The following PEPD variants were observed in gnomAD, a reference collection of about 807,000 sequenced individuals.
PEPD encodes peptidase D.
A neutral mutation model predicts 60.7 loss-of-function variants in PEPD; 53 were observed. The observed-to-expected ratio is 0.87, with a 90% CI of 0.70 to 1.10. The LOEUF (loss-of-function observed/expected upper bound fraction) is 1.10. Among genes scored for constraint, PEPD ranks in the 50% least tolerant of loss-of-function variants. PEPD has a pLI of 0.00. For missense variants in PEPD, 711 were observed against 711.9 expected (o/e 1.00, Z 0.01); for synonymous variants, 267 against 284.1 (o/e 0.94, Z 0.60).
intron 9 of PEPD, among the ~76,000 whole-genome samples, chr19:33,419,037 C>G (rs1014526577): frequency 6.6e-6 from 1 of 152,196 alleles, no homozygotes; most frequent in African/African-American, 2.4e-5. Context: ...CTGCCCGGAG[C>G]TCCTCACTCC....
At chr19:33,423,233 G>T (rs147302133) in intron 9 of PEPD, among the ~76,000 whole-genome samples, 3 of 152,292 alleles carry the variant, frequency 2.0e-5, no homozygotes, top group Non-Finnish European at 4.4e-5. Context: ...GAAGTCTTTG[G>T]TATACCTCTG....
intron 6 of PEPD, among the ~76,000 whole-genome samples, chr19:33,478,491 A>G (rs1220693551): frequency 6.6e-6 from 1 of 152,228 alleles, no homozygotes; most frequent in Non-Finnish European, 1.5e-5. Context: ...AACTCCAAGT[A>G]GGATAAATTC....
intron 11 of PEPD, among the ~76,000 whole-genome samples, chr19:33,404,039 C>T (rs542062680): frequency 5.9e-5 from 9 of 152,286 alleles, no homozygotes; most frequent in African/African-American, 2.2e-4. Flanking sequence ...GATCACGGGT[C>T]CAGGAAAGCC....
At chr19:33,456,650 A>T (rs1238254376) in intron 9 of PEPD, among the ~76,000 whole-genome samples, 1 of 152,136 alleles carries the variant, frequency 6.6e-6, no homozygotes, top group Non-Finnish European at 1.5e-5. Context: ...GTGTCTGCTC[A>T]GCGGGTGCAG....
chr19:33,458,719 T>C (rs1367164685), intron 9 of PEPD, among the ~76,000 whole-genome samples: 1 of 16,436 alleles, frequency 6.1e-5, no homozygotes. Flanking sequence ...GGCATGTGTA[T>C]GTGCTATGCA....
At chr19:33,516,995 C>A (rs1971034478) in intron 1 of PEPD, among the ~76,000 whole-genome samples, 1 of 1,932 alleles carries the variant, frequency 5.2e-4, no homozygotes, top group African/African-American at 2.4e-3. Context: ...GAATGGGCAA[C>A]ATGGCAAAAC....
intron 3 of PEPD, among the ~76,000 whole-genome samples, chr19:33,509,694 T>C (rs947951554): frequency 2.0e-5 from 3 of 152,188 alleles, no homozygotes; most frequent in Non-Finnish European, 4.4e-5. Context: ...CTGCAATTTA[T>C]ACATTAGCCC....
At chr19:33,421,835 C>T (rs117352116) in intron 9 of PEPD, among the ~76,000 whole-genome samples, 2 of 152,214 alleles carry the variant, frequency 1.3e-5, no homozygotes, top group Non-Finnish European at 2.9e-5. Context: ...CAGAATCTGA[C>T]CACTTCTCCG....
intron 7 of PEPD, among the ~76,000 whole-genome samples, chr19:33,475,456 C>T (rs964936829): frequency 4.0e-5 from 6 of 151,608 alleles, no homozygotes; most frequent in Non-Finnish European, 5.9e-5. Context: ...TAAAACATAC[C>T]CCTGAGCAGC....
intron 4 of PEPD, 151 bp from the exon 5 acceptor site, chr19:33,493,488 G>A (rs1246480299): frequency 2.3e-5 from 16 of 711,090 alleles, no homozygotes; most frequent in South Asian, 2.1e-4. Context: ...TGCAGGTGAA[G>A]AAACCCAGCT....
chr19:33,475,312 A>G (rs924360800), intron 7 of PEPD, among the ~76,000 whole-genome samples: 4 of 151,828 alleles, frequency 2.6e-5, no homozygotes, highest in South Asian at 2.1e-4. Flanking sequence ...ATCTAACATC[A>G]TGGAAAGCCC....
chr19:33,427,975 C>T (rs983603337), intron 9 of PEPD, among the ~76,000 whole-genome samples: 1 of 152,018 alleles, frequency 6.6e-6, no homozygotes, highest in Non-Finnish European at 1.5e-5. Flanking sequence ...TCCTGGCAGG[C>T]GGCAATCTGA....
At chr19:33,424,373 G>A (rs1460522543) in intron 9 of PEPD, among the ~76,000 whole-genome samples, 1 of 152,248 alleles carries the variant, frequency 6.6e-6, no homozygotes, top group Admixed American at 6.5e-5. Flanking sequence ...AGCCAGCGAG[G>A]GAGCTCCGGC....
chr19:33,463,630 C>T (rs1378952295), intron 8 of PEPD, among the ~76,000 whole-genome samples: 1 of 152,148 alleles, frequency 6.6e-6, no homozygotes, highest in African/African-American at 2.4e-5. Context: ...TGTGTTTGAA[C>T]CACAGTTAAG....
intron 4 of PEPD, among the ~76,000 whole-genome samples, chr19:33,499,442 G>A (rs1289299115): frequency 1.3e-5 from 2 of 152,190 alleles, no homozygotes; most frequent in Non-Finnish European, 2.9e-5. Flanking sequence ...ACTGGACTGT[G>A]CCCTGGGCTG....
chr19:33,485,505 A>AAAAAAAAAAAAAAAAAAAAAAAAAC (rs1970380711), intron 6 of PEPD, among the ~76,000 whole-genome samples: 1 of 151,834 alleles, frequency 6.6e-6, no homozygotes, highest in African/African-American at 2.4e-5. Flanking sequence ...AAAAAAAAAA[A>AAAAAAAAAAAAAAAAAAAAAAAAAC]AAAAGAAGCC....
intron 6 of PEPD, chr19:33,487,391 C>T (rs1970415902): frequency 6.6e-6 from 1 of 152,452 alleles, no homozygotes; most frequent in Non-Finnish European, 1.5e-5. Context: ...GTGAAACAGC[C>T]CTGGTGGCAG....
chr19:33,461,711 T>C (rs1969928980), intron 9 of PEPD, among the ~76,000 whole-genome samples: 1 of 152,124 alleles, frequency 6.6e-6, no homozygotes, highest in South Asian at 2.1e-4. Flanking sequence ...CACAACACAC[T>C]TCCCATCCCA....
chr19:33,415,191 G>C (rs767052482), intron 9 of PEPD, among the ~76,000 whole-genome samples: 9 of 152,202 alleles, frequency 5.9e-5, no homozygotes, highest in African/African-American at 9.7e-5. Flanking sequence ...ATGTGGTCCT[G>C]CACCAACAGA....
Sources: gnomAD v4.1 joint callset for allele counts (sites outside exome capture counted in the v4.1 genomes callset) on GRCh38, gnomAD v4.1.1 for gene constraint, MANE v1.5 for transcripts, NCBI Gene and HGNC (gene_info 2026-07-23, HGNC 2026-07-21) for gene names.